ST3GAL2: variants seen among roughly 807,000 people sequenced by gnomAD.
ST3GAL2 encodes CMP-N-acetylneuraminate-beta-galactosamide-alpha-2,3-sialyltransferase 2.
A neutral mutation model predicts 37.5 loss-of-function variants in ST3GAL2; 16 were observed. The observed-to-expected ratio is 0.43, with a 90% CI of 0.29 to 0.65. ST3GAL2 has a LOEUF of 0.65. Among genes scored for constraint, ST3GAL2 ranks in the 30% least tolerant of loss-of-function variants. The pLI is 0.17. For missense variants in ST3GAL2, 383 were observed against 487.8 expected (o/e 0.79, Z 2.02); for synonymous variants, 238 against 202.9 (o/e 1.17, Z -1.47).
chr16:70,401,994 CAAAAAAAA>C (rs749422742), intron 1 of ST3GAL2, among the ~76,000 whole-genome samples: 61 of 60,202 alleles, frequency 1.0e-3, no homozygotes, highest in African/African-American at 4.1e-3. Context: ...AACTCTGCCT[CAAAAAAAA>C]AAAAAAAAAA....
chr16:70,399,624 GGA>G (rs1196549016), intron 1 of ST3GAL2, 91 bp from the exon 2 acceptor site: 3 of 394,964 alleles, frequency 7.6e-6, no homozygotes, highest in Non-Finnish European at 1.3e-5. Flanking sequence ...AAAGCTAGCA[GGA>G]GAGGAGATGC....
chr16:70,393,491 T>C (rs1196012182), intron 3 of ST3GAL2, among the ~76,000 whole-genome samples: 1 of 152,192 alleles, frequency 6.6e-6, no homozygotes, highest in East Asian at 1.9e-4. Context: ...ATCACTGAGG[T>C]GCCTGACCAG....
rs1048174300 is a variant in ST3GAL2 at position 70,379,185 on chromosome 16, T to C, written c.*2504A>G. On this transcript the variant is annotated 3_prime_UTR_variant, in exon 7 of 7. Transcript: ENST00000342907. ...CTGATGGATACCTGGAGACATCATGTTGACAGAGGCCAAAGTGGTTACAGG... is the reference window on the plus strand; with the variant it reads ...CTGATGGATACCTGGAGACATCATGCTGACAGAGGCCAAAGTGGTTACAGG... 2 of 152,100 alleles carry C rather than the reference T, an allele frequency of 1.3e-5. No individual in the cohort carries two copies. Among genetic ancestry groups the C allele is most frequent in the Non-Finnish European group, 2.9e-5 (2 of 68,040 alleles). The allele number at this position is 152,100 out of a possible 1,614,324, so 9.4% of individuals were successfully genotyped here.
rs2151664234 is a variant in ST3GAL2, at chr16:70,399,083, C to G, written c.-553G>C. 1 of 400,730 alleles carries G rather than the reference C, an allele frequency of 2.5e-6. No homozygotes were observed. Among genetic ancestry groups the G allele is most frequent in the East Asian group, 3.6e-5 (1 of 28,092 alleles). 24.8% of individuals were successfully genotyped at this position (400,730 alleles called of 1,614,324 possible). A position where few individuals can be genotyped will look rare whatever the true frequency, so the allele number is the denominator to read the frequency against. ...TGTTGTCCCACCTCCTGGCCCAAAA[C>G]CTCTGCCAGAGGAGGGGAGCCAGAC... On this transcript the variant is annotated 5_prime_UTR_variant, in exon 2 of 7. Coordinates refer to ENST00000342907, the MANE Select transcript of ST3GAL2 (RefSeq NM_006927.4).
intron 1 of ST3GAL2, among the ~76,000 whole-genome samples, chr16:70,434,986 T>G (rs1226617497): frequency 6.6e-6 from 1 of 152,252 alleles, no homozygotes; most frequent in Non-Finnish European, 1.5e-5. Context: ...CCAGGTATCC[T>G]GTCCAGTGTG....
At position 70,383,177 on chromosome 16, in the gene ST3GAL2, G is replaced by T; in HGVS notation, c.759+13C>A. 4 of 1,612,814 alleles carry T rather than the reference G, an allele frequency of 2.5e-6. No homozygotes were observed. The highest frequency in any genetic ancestry group is 3.4e-6 in the Non-Finnish European group (4 of 1,179,706). On this transcript the variant is annotated intron_variant, in intron 5 of 6. Transcript: ENST00000342907. ...CTGTTTCCACTGAGGTGGGGAAGAAGTGGGGAGCTTACCTTTTCTTTATCC... is the reference window on the plus strand; with the variant it reads ...CTGTTTCCACTGAGGTGGGGAAGAATTGGGGAGCTTACCTTTTCTTTATCC...
chr16:70,433,262 T>C (rs1478213289), intron 1 of ST3GAL2, among the ~76,000 whole-genome samples: 8 of 152,064 alleles, frequency 5.3e-5, no homozygotes, highest in Admixed American at 2.6e-4. Flanking sequence ...CATACCTCAA[T>C]TGGACTCTAT....
intron 1 of ST3GAL2, among the ~76,000 whole-genome samples, chr16:70,413,416 T>C (rs2047652865): frequency 6.8e-6 from 1 of 147,194 alleles, no homozygotes; most frequent in South Asian, 2.2e-4. Context: ...ACTCTGTCTC[T>C]ATAAAAAATA....
chr16:70,405,043 A>C (rs1035836534), intron 1 of ST3GAL2, among the ~76,000 whole-genome samples: 2 of 152,020 alleles, frequency 1.3e-5, no homozygotes, highest in Admixed American at 6.6e-5. Flanking sequence ...AAAAAAAAAA[A>C]AAAACACCTC....
rs2047381467 is a variant in ST3GAL2 at position 70,379,718 on chromosome 16, T to C, written c.*1971A>G. On this transcript the variant is annotated 3_prime_UTR_variant, in exon 7 of 7. Transcript: ENST00000342907. ...CTCACTGCAACCTTCGCCTCCTCGG[T>C]TCAAGGGATTCTCCTGCCTCAGCCT... 1 of 152,134 alleles carries C rather than the reference T, an allele frequency of 6.6e-6. No individual in the cohort carries two copies. Among genetic ancestry groups the C allele is most frequent in the Non-Finnish European group, 1.5e-5 (1 of 68,100 alleles). The allele number at this position is 152,134 out of a possible 1,614,324, so 9.4% of individuals were successfully genotyped here. A position where few individuals can be genotyped will look rare whatever the true frequency, so the allele number is the denominator to read the frequency against.
intron 1 of ST3GAL2, among the ~76,000 whole-genome samples, chr16:70,419,510 A>G (rs2151673913): frequency 6.6e-6 from 1 of 152,338 alleles, no homozygotes; most frequent in South Asian, 2.1e-4. Context: ...GGCCCTCTGC[A>G]AACCAGAGGG....
At chr16:70,413,452 G>A (rs1481623847) in intron 1 of ST3GAL2, among the ~76,000 whole-genome samples, 1 of 147,162 alleles carries the variant, frequency 6.8e-6, no homozygotes. Flanking sequence ...GCGGTGGCTC[G>A]CGCCTATAAT....
intron 1 of ST3GAL2, among the ~76,000 whole-genome samples, chr16:70,408,663 C>G (rs1160626614): frequency 1.3e-5 from 2 of 151,940 alleles, no homozygotes. Flanking sequence ...GCAGGACATC[C>G]AACTTTGACT....
intron 1 of ST3GAL2, among the ~76,000 whole-genome samples, chr16:70,423,272 G>A (rs578045179): frequency 6.6e-6 from 1 of 152,334 alleles, no homozygotes; most frequent in African/African-American, 2.4e-5. Context: ...ACTTTGGGAG[G>A]CTGCGTCCGG....
chr16:70,398,853 C>T lies in ST3GAL2; in HGVS notation c.-323G>A, dbSNP rs1006216367. 2.0e-6 allele frequency: 1 copy of T among 500,262 alleles called. No homozygotes were observed. The highest frequency in any genetic ancestry group is 1.9e-5 in the African/African-American group (1 of 52,354). 31.0% of individuals were successfully genotyped at this position (500,262 alleles called of 1,614,324 possible). ...AGGGGGAGGTCAGTCCATTGCAGCCCTCTAGTCCCTTGGGATTGCTGGCTG... is the reference window on the plus strand; with the variant it reads ...AGGGGGAGGTCAGTCCATTGCAGCCTTCTAGTCCCTTGGGATTGCTGGCTG... On this transcript the variant is annotated 5_prime_UTR_variant, in exon 2 of 7. Coordinates refer to ENST00000342907, the MANE Select transcript of ST3GAL2 (RefSeq NM_006927.4).
intron 1 of ST3GAL2, among the ~76,000 whole-genome samples, chr16:70,425,291 GTCTCTGATAAAGATACAAAAAT>G (rs1387057289): frequency 1.3e-5 from 2 of 152,180 alleles, no homozygotes; most frequent in Non-Finnish European, 2.9e-5. Context: ...GTGAAAGCCT[GTCTCTGATAAAGATACAAAAAT>G]TAGCTGGGCG....
chr16:70,432,370 C>A (rs1427452472), intron 1 of ST3GAL2, among the ~76,000 whole-genome samples: 1 of 152,068 alleles, frequency 6.6e-6, no homozygotes, highest in Non-Finnish European at 1.5e-5. Context: ...CCTGCCTCCA[C>A]CCAAGACAAC....
chr16:70,398,213 C>A lies in ST3GAL2; in HGVS notation c.318G>T (p.Pro106=). 1 of 1,613,126 alleles carries A rather than the reference C, an allele frequency of 6.2e-7. No individual in the cohort carries two copies. The highest frequency in any genetic ancestry group is 8.5e-7 in the Non-Finnish European group (1 of 1,179,832). Residue 106 remains proline, a synonymous_variant, in exon 2 of 7, where the codon CCG becomes CCT. Transcript: ENST00000342907. ...VWTRENMDLP[P]DVQRWWMMLQ... The stretch of plus-strand genomic sequence containing the variant: ...TTACCATCCACCACCTCTGGACGTC[C>A]GGTGGAAGATCCATGTTCTCTCGGG...
At chr16:70,420,745 T>C (rs2047709215) in intron 1 of ST3GAL2, among the ~76,000 whole-genome samples, 1 of 152,228 alleles carries the variant, frequency 6.6e-6, no homozygotes, top group African/African-American at 2.4e-5. Flanking sequence ...GTAATGTCTT[T>C]TGGAAAGGTC....
Sources: gnomAD v4.1 joint callset for allele counts (sites outside exome capture counted in the v4.1 genomes callset) on GRCh38, gnomAD v4.1.1 for gene constraint, MANE v1.5 for transcripts, NCBI Gene and HGNC (gene_info 2026-07-23, HGNC 2026-07-21) for gene names.